Variants in FBXO8 observed in about 807,000 individuals in gnomAD.
FBXO8 encodes the protein F-box protein 8.
FBXO8 carries 15 observed loss-of-function variants against 33.4 expected under a neutral mutation model. That is an observed-to-expected ratio of 0.45 (90% confidence interval 0.30 to 0.69). The LOEUF (loss-of-function observed/expected upper bound fraction) is 0.69, where lower values mean the gene tolerates loss of function less well. Ranked by LOEUF, FBXO8 falls within the 30% of genes least tolerant of loss-of-function variation. The pLI is 0.08. For synonymous variants in FBXO8, 132 were observed against 131.5 expected (o/e 1.00, Z -0.02); for missense variants, 274 against 380.3 (o/e 0.72, Z 2.32).
Position 174,275,359 on chromosome 4 carries a change from A to G in FBXO8, c.-9+8051T>C, listed in dbSNP as rs907316865. 3.3e-5 allele frequency among the ~76,000 whole-genome samples: 5 copies of G among 152,152 alleles called. No individual in the cohort carries two copies. The South Asian group carries it at 1.0e-3, about 32-fold the overall frequency. ...CATATGTACACTGAGTAAAAATAAAACTAGGGGAATATGAGTAAGATGGGG... is the reference window on the plus strand; with the variant it reads ...CATATGTACACTGAGTAAAAATAAAGCTAGGGGAATATGAGTAAGATGGGG... On this transcript the variant is annotated intron_variant, in intron 1 of 5. Transcript: ENST00000393674. The surrounding 1 kb of genome is among the most constrained non-coding windows in gnomAD (Gnocchi z 4.4).
rs768394345 is a variant in FBXO8, at chr4:174,270,620, A to AT, written c.-8-7521dup. On this transcript the variant is annotated intron_variant, in intron 1 of 5. Transcript: ENST00000393674. The surrounding 1 kb of genome is among the most constrained non-coding windows in gnomAD (Gnocchi z 4.6). ...TTCATGCTCATGTCTTAGGAATAGT[A>AT]TTTTTTTTTTTTTTTGAGATTTAGT... Among the ~76,000 whole-genome samples, 16,522 of 142,556 alleles carry AT rather than the reference A, an allele frequency of 0.12. 902 individuals carry two copies. The highest frequency in any genetic ancestry group is 0.13 in the African/African-American group (5,086 of 39,046). 93.5% of individuals were successfully genotyped at this position (142,556 alleles called of 152,430 possible).
intron 1 of FBXO8, among the ~76,000 whole-genome samples, chr4:174,273,096 C>T (rs985895090): frequency 3.3e-5 from 5 of 151,806 alleles, no homozygotes; most frequent in Non-Finnish European, 7.4e-5. Context: ...GAGGACAGCC[C>T]GGGCAACATA....
At position 174,274,267 on chromosome 4, in the gene FBXO8, C is replaced by T. The variant is rs951389937; in HGVS notation, c.-9+9143G>A. On this transcript the variant is annotated intron_variant, in intron 1 of 5. Coordinates refer to ENST00000393674, the MANE Select transcript of FBXO8 (RefSeq NM_012180.3). This position sits in a 1 kb window ranked among gnomAD's most constrained non-coding sequence, Gnocchi z 4.0. ...ATCTGATTAGCCTGTGATTTCTGAT[C>T]CTCATTCTTCTCATTAGTAAAATAA... Among the ~76,000 whole-genome samples the T allele has an allele frequency of 3.9e-5, 6 of 152,166 alleles. No homozygotes were observed. Among genetic ancestry groups the T allele is most frequent in the African/African-American group, 1.2e-4 (5 of 41,432 alleles).
chr4:174,239,233 CA>C (rs757080006), intron 4 of FBXO8, 43 bp from the exon 5 acceptor site: 2 of 1,346,078 alleles, frequency 1.5e-6, no homozygotes, highest in Admixed American at 5.4e-5. Flanking sequence ...AACTTTTCTT[CA>C]TTAAAAAAAT....
rs1168027119 is a variant in FBXO8, at chr4:174,255,697, G to A, written c.456+4002C>T. Among the ~76,000 whole-genome samples, 1 of 151,842 alleles carries A rather than the reference G, an allele frequency of 6.6e-6. No individual in the cohort carries two copies. Among genetic ancestry groups the A allele is most frequent in the Non-Finnish European group, 1.5e-5 (1 of 67,974 alleles). ...TAAGCCTATATTAAAGTTAAACCAT[G>A]TTCACTACCAATTTTTCAGATCCTA... On this transcript the variant is annotated intron_variant, in intron 3 of 5. Transcript: ENST00000393674. This position sits in a 1 kb window ranked among gnomAD's most constrained non-coding sequence, Gnocchi z 4.3.
rs1336616639 is a variant in FBXO8 at position 174,237,372 on chromosome 4, TAGTCTGAAGTAAAAACTGA to T, written c.*21_*39del. 1.3e-6 allele frequency: 2 copies of T among 1,566,176 alleles called. No individual in the cohort carries two copies. The highest frequency in any genetic ancestry group is 2.7e-5 in the African/African-American group (2 of 74,142). On this transcript the variant is annotated 3_prime_UTR_variant, in exon 6 of 6. Transcript: ENST00000393674. This position sits in a 1 kb window ranked among gnomAD's most constrained non-coding sequence, Gnocchi z 4.4. ...TATCTGCTAAGTCCTTGGGTAGCTT[TAGTCTGAAGTAAAAACTGA>T]AGTCCTAGCAATTGTGCTTTTTATG...
chr4:174,262,998 C>A lies in FBXO8; in HGVS notation c.95G>T (p.Arg32Ile). 3.7e-6 allele frequency: 6 copies of A among 1,614,078 alleles called. No homozygotes were observed. Among genetic ancestry groups the A allele is most frequent in the Non-Finnish European group, 5.1e-6 (6 of 1,179,950 alleles). The change falls in exon 2 of 6, where the codon AGA becomes ATA. Residue 32 changes from arginine to isoleucine, a missense_variant. This residue lies in a region of FBXO8 where 88 missense variants were observed against 86.9 expected (regional missense o/e 1.01). Transcript: ENST00000393674. This position sits in a 1 kb window ranked among gnomAD's most constrained non-coding sequence, Gnocchi z 4.6. ...GTTAGAAATGTTGCTCGCAGCCATTCTCCTGCTCTGCTCTCTGGTGAGGTA... is the reference window on the plus strand; with the variant it reads ...GTTAGAAATGTTGCTCGCAGCCATTATCCTGCTCTGCTCTCTGGTGAGGTA... ...QGYLTREQSR[R>I]MAASNISNTN... is the part of the protein sequence containing the mutation.
In FBXO8 at chr4:174,237,658, G is replaced by C. The variant is rs1394542579; in HGVS notation, c.773-59C>G. 5.9e-5 allele frequency: 83 copies of C among 1,414,166 alleles called. No homozygotes were observed. The highest frequency in any genetic ancestry group is 4.8e-4 in the South Asian group (35 of 73,238). 87.6% of individuals were successfully genotyped at this position (1,414,166 alleles called of 1,614,324 possible). A position where few individuals can be genotyped will look rare whatever the true frequency, so the allele number is the denominator to read the frequency against. ...TTGGTTTACAAAATATGATTCCAAT[G>C]GCATTATATAAGGCAAAAATGTTCA... On this transcript the variant is annotated intron_variant, in intron 5 of 5. Coordinates refer to ENST00000393674, the MANE Select transcript of FBXO8 (RefSeq NM_012180.3). The surrounding 1 kb of genome is among the most constrained non-coding windows in gnomAD (Gnocchi z 4.4).
At chr4:174,240,924 TCAA>T (rs976531138) in intron 4 of FBXO8, among the ~76,000 whole-genome samples, 173 bp downstream of exon 4, 2 of 151,698 alleles carry the variant, frequency 1.3e-5, no homozygotes, top group African/African-American at 2.4e-5. Context: ...AACTTCCTCA[TCAA>T]CAAGTCAAAG....
Position 174,254,092 on chromosome 4 carries a change from G to C in FBXO8, c.456+5607C>G, listed in dbSNP as rs35593724. Among the ~76,000 whole-genome samples, 27,346 of 152,098 alleles carry C rather than the reference G, an allele frequency of 0.18. 2,990 individuals are homozygous for C. The highest frequency in any genetic ancestry group is 0.59 in the East Asian group (3,024 of 5,154). On this transcript the variant is annotated intron_variant, in intron 3 of 5. Coordinates refer to ENST00000393674, the MANE Select transcript of FBXO8 (RefSeq NM_012180.3). The surrounding 1 kb of genome is among the most constrained non-coding windows in gnomAD (Gnocchi z 4.2). ...AAAAACATCTTAGCTGATACATACA[G>C]GGAGAAGTGGGTACTGCAAGAAGCC...
rs903953608 is a variant in FBXO8, at chr4:174,283,041, T to C, written c.-9+369A>G. On this transcript the variant is annotated intron_variant, in intron 1 of 5. Coordinates refer to ENST00000393674, the MANE Select transcript of FBXO8 (RefSeq NM_012180.3). The surrounding 1 kb of genome is among the most constrained non-coding windows in gnomAD (Gnocchi z 6.7). ...GAAAGTGGTAAAGAACCAAAAACTG[T>C]CTAGGAACCAAAATAACACTCGACC... Among the ~76,000 whole-genome samples, 5 of 152,188 alleles carry C rather than the reference T, an allele frequency of 3.3e-5. No individual in the cohort carries two copies. Among genetic ancestry groups the C allele is most frequent in the African/African-American group, 1.2e-4 (5 of 41,470 alleles).
chr4:174,240,540 T>C (rs965951734), intron 4 of FBXO8, among the ~76,000 whole-genome samples: 1 of 151,722 alleles, frequency 6.6e-6, no homozygotes, highest in Non-Finnish European at 1.5e-5. Flanking sequence ...AAAAGTAAAG[T>C]GTACAAATGA....
chr4:174,238,295 G>A (rs1036800022), intron 5 of FBXO8, among the ~76,000 whole-genome samples: 3 of 151,764 alleles, frequency 2.0e-5, no homozygotes, highest in African/African-American at 4.8e-5. Flanking sequence ...AGTAACAATC[G>A]TCATAATAGT....
In FBXO8 at chr4:174,247,905, A is replaced by G. The variant is rs753078799; in HGVS notation, c.457-6687T>C. Among the ~76,000 whole-genome samples the G allele has an allele frequency of 6.6e-6, 1 of 152,064 alleles. No homozygotes were observed. The highest frequency in any genetic ancestry group is 1.5e-5 in the Non-Finnish European group (1 of 67,968). ...GTAAATGTAAAATCTATTAATTTTT[A>G]TCAGTCCAGAAGTTCTCATTCTCCC... is the stretch of plus-strand genomic sequence containing the variant. On this transcript the variant is annotated intron_variant, in intron 3 of 5. Coordinates refer to ENST00000393674, the MANE Select transcript of FBXO8 (RefSeq NM_012180.3). This position sits in a 1 kb window ranked among gnomAD's most constrained non-coding sequence, Gnocchi z 4.6.
intron 1 of FBXO8, among the ~76,000 whole-genome samples, chr4:174,280,584 C>T (rs923471439): frequency 2.6e-5 from 4 of 152,086 alleles, no homozygotes; most frequent in Non-Finnish European, 5.9e-5. Flanking sequence ...TGGAAGCAAC[C>T]CAGGTGTCCA....
chr4:174,242,849 T>C (rs1402596197), intron 3 of FBXO8, among the ~76,000 whole-genome samples: 1 of 151,522 alleles, frequency 6.6e-6, no homozygotes, highest in Non-Finnish European at 1.5e-5. Flanking sequence ...AATTCCTCAG[T>C]GTAAAAGGAT....
Position 174,255,706 on chromosome 4 carries a change from C to A in FBXO8, c.456+3993G>T, listed in dbSNP as rs746268457. Among the ~76,000 whole-genome samples, 37 of 152,018 alleles carry A rather than the reference C, an allele frequency of 2.4e-4. No homozygotes were observed. The highest frequency in any genetic ancestry group is 4.7e-4 in the Non-Finnish European group (32 of 67,976). On this transcript the variant is annotated intron_variant, in intron 3 of 5. Transcript: ENST00000393674. The surrounding 1 kb of genome is among the most constrained non-coding windows in gnomAD (Gnocchi z 4.3). ...ATTAAAGTTAAACCATGTTCACTAC[C>A]AATTTTTCAGATCCTAAATTTAAAA...
rs1737010586 is a variant in FBXO8 at position 174,278,857 on chromosome 4, G to A, written c.-9+4553C>T. Among the ~76,000 whole-genome samples the A allele has an allele frequency of 4.6e-5, 7 of 152,170 alleles. No individual in the cohort carries two copies. In the South Asian group the frequency reaches 1.5e-3, roughly 32 times the overall value. ...CAGAAATAGGAGGAAGGTGAAAAAT[G>A]AGAAAACATTTAATAGTGAAAAGAG... is the stretch of plus-strand genomic sequence containing the variant. On this transcript the variant is annotated intron_variant, in intron 1 of 5. Transcript: ENST00000393674. The surrounding 1 kb of genome is among the most constrained non-coding windows in gnomAD (Gnocchi z 4.1).
Position 174,259,081 on chromosome 4 carries a change from TAAG to T in FBXO8, c.456+615_456+617del, listed in dbSNP as rs1736482550. On this transcript the variant is annotated intron_variant, in intron 3 of 5. Coordinates refer to ENST00000393674, the MANE Select transcript of FBXO8 (RefSeq NM_012180.3). The surrounding 1 kb of genome is among the most constrained non-coding windows in gnomAD (Gnocchi z 4.3). ...TGAACTTTTCCATGACATAGTAAAA[TAAG>T]AATAGAGAAAAAAAAAATCAGTGAA... is the stretch of plus-strand genomic sequence containing the variant. Among the ~76,000 whole-genome samples the T allele has an allele frequency of 6.6e-6, 1 of 151,268 alleles. No homozygotes were observed. Among genetic ancestry groups the T allele is most frequent in the Admixed American group, 6.6e-5 (1 of 15,162 alleles).
Sources: gnomAD v4.1 joint callset for allele counts (sites outside exome capture counted in the v4.1 genomes callset) on GRCh38, gnomAD v4.1.1 for gene constraint, gnomAD v4.1.1 regional missense constraint, Gnocchi (gnomAD v3.1) non-coding constraint, MANE v1.5 for transcripts, NCBI Gene and HGNC (gene_info 2026-07-23, HGNC 2026-07-21) for gene names.